Variants in ACSS1 observed in about 807,000 individuals in gnomAD.
ACSS1 encodes the protein acetyl-coenzyme A synthetase 2-like, mitochondrial.
In ACSS1, 42 loss-of-function variants were observed where a neutral mutation model predicts 75.3. The observed-to-expected ratio is 0.56, with a 90% CI of 0.44 to 0.72. ACSS1 has a LOEUF of 0.72. ACSS1 is among the 30% of genes least tolerant of loss of function. ACSS1 has a pLI of 0.00. For missense variants in ACSS1, 782 were observed against 935.7 expected, an observed-to-expected ratio of 0.84 and a Z score of 2.14; for synonymous variants, 380 against 376.8, an observed-to-expected ratio of 1.01 and a Z score of -0.10.
intron 1 of ACSS1, among the ~76,000 whole-genome samples, chr20:25,057,366 G>T (rs2089256761): frequency 6.6e-6 from 1 of 152,218 alleles, no homozygotes; most frequent in Non-Finnish European, 1.5e-5. Context: ...CTCCACCCCG[G>T]TATGGGAACG....
chr20:25,041,134 T>G (rs549920937), intron 2 of ACSS1, among the ~76,000 whole-genome samples: 1 of 151,882 alleles, frequency 6.6e-6, no homozygotes, highest in Non-Finnish European at 1.5e-5. Context: ...GGCAGGTGCC[T>G]GTAGTCCCAG....
chr20:25,014,194 C>T (rs1189226820), intron 8 of ACSS1, 121 bp from the exon 9 acceptor site: 13 of 805,840 alleles, frequency 1.6e-5, no homozygotes, highest in Non-Finnish European at 2.2e-5. Flanking sequence ...AGGGGCACAA[C>T]GATCTTTGAG....
intron 8 of ACSS1, among the ~76,000 whole-genome samples, chr20:25,014,314 G>A (rs1369584828): frequency 3.9e-5 from 6 of 152,214 alleles, no homozygotes; most frequent in South Asian, 2.1e-4. Context: ...AGGCCCCCTC[G>A]CCATGTCAGG....
At chr20:25,029,517 G>C (rs2088785124) in intron 3 of ACSS1, among the ~76,000 whole-genome samples, 1 of 152,142 alleles carries the variant, frequency 6.6e-6, no homozygotes, top group African/African-American at 2.4e-5. Flanking sequence ...CCACTCATAG[G>C]TATATACCCC....
At chr20:25,056,906 T>A (rs2089250111) in intron 1 of ACSS1, among the ~76,000 whole-genome samples, 1 of 152,058 alleles carries the variant, frequency 6.6e-6, no homozygotes, top group African/African-American at 2.4e-5. Context: ...CCACCCTGCG[T>A]GGCCAGCCCT....
chr20:25,056,127 G>A (rs1013878118), intron 1 of ACSS1, among the ~76,000 whole-genome samples: 2 of 152,200 alleles, frequency 1.3e-5, no homozygotes, highest in African/African-American at 2.4e-5. Context: ...CTGACCGAGC[G>A]AGGTTCAGAA....
chr20:25,044,726 G>A (rs1016851334), intron 2 of ACSS1, among the ~76,000 whole-genome samples: 1 of 152,242 alleles, frequency 6.6e-6, no homozygotes, highest in African/African-American at 2.4e-5. Context: ...ACAGCCTTGG[G>A]GCCACTAGGC....
intron 3 of ACSS1, among the ~76,000 whole-genome samples, chr20:25,025,747 CT>C (rs1349161990): frequency 6.6e-6 from 1 of 152,176 alleles, no homozygotes; most frequent in African/African-American, 2.4e-5. Context: ...ACCACCTGCC[CT>C]GGTTCGTGGC....
At chr20:25,008,443 G>A (rs907985265) in intron 13 of ACSS1, among the ~76,000 whole-genome samples, 2 of 152,164 alleles carry the variant, frequency 1.3e-5, no homozygotes, top group Non-Finnish European at 2.9e-5. Context: ...GCTGTGTTTG[G>A]GATCTTTGAC....
chr20:25,024,802 G>T (rs551170616), intron 3 of ACSS1, among the ~76,000 whole-genome samples: 40 of 152,302 alleles, frequency 2.6e-4, no homozygotes, highest in African/African-American at 9.6e-4. Context: ...CCCTGGAGAT[G>T]TCATGGCCAT....
At chr20:25,013,466 A>T in intron 10 of ACSS1, 70 bp downstream of exon 10, 3 of 1,528,526 alleles carry the variant, frequency 2.0e-6, no homozygotes, top group Non-Finnish European at 2.6e-6. Context: ...CCCATTAAAA[A>T]TGTTTTCTGA....
intron 2 of ACSS1, among the ~76,000 whole-genome samples, chr20:25,038,211 G>C (rs1779417472): frequency 6.6e-6 from 1 of 152,172 alleles, no homozygotes; most frequent in Non-Finnish European, 1.5e-5. Flanking sequence ...TCTCTTCCCT[G>C]AGGTTTTGCT....
intron 1 of ACSS1, among the ~76,000 whole-genome samples, chr20:25,054,476 C>T (rs1292733990): frequency 6.6e-6 from 1 of 152,254 alleles, no homozygotes; most frequent in Admixed American, 6.5e-5. Flanking sequence ...CTGATAGATA[C>T]TCCCATGGAT....
chr20:25,015,393 T>G (rs781613239), intron 7 of ACSS1, among the ~76,000 whole-genome samples, 163 bp from the exon 8 acceptor site: 5 of 152,208 alleles, frequency 3.3e-5, no homozygotes, highest in Non-Finnish European at 7.3e-5. Context: ...CCTCCCAGGT[T>G]CAAGCGATTC....
chr20:25,023,401 G>GA, intron 4 of ACSS1, 65 bp downstream of exon 4: 1 of 1,593,734 alleles, frequency 6.3e-7, no homozygotes, highest in Admixed American at 1.7e-5. Flanking sequence ...CACAACCCGA[G>GA]AAGCCTCAGA....
intron 13 of ACSS1, 49 bp from the exon 14 acceptor site, chr20:25,007,990 T>C (rs2122568657): frequency 6.3e-7 from 1 of 1,589,104 alleles, no homozygotes; most frequent in South Asian, 1.1e-5. Context: ...GCCCAGCCTC[T>C]GTGCTAGCGT....
At chr20:25,044,983 G>T (rs1248899069) in intron 2 of ACSS1, among the ~76,000 whole-genome samples, 1 of 152,240 alleles carries the variant, frequency 6.6e-6, no homozygotes, top group African/African-American at 2.4e-5. Flanking sequence ...GCAGGGGAGG[G>T]GGTCCTCCTC....
intron 2 of ACSS1, among the ~76,000 whole-genome samples, chr20:25,031,313 T>A (rs1171166193): frequency 6.6e-6 from 1 of 152,128 alleles, no homozygotes; most frequent in Non-Finnish European, 1.5e-5. Flanking sequence ...TCCTTGCCAG[T>A]CATGACCCAC....
intron 11 of ACSS1, 42 bp from the exon 12 acceptor site, chr20:25,012,706 C>T (rs940234053): frequency 4.0e-5 from 65 of 1,613,858 alleles, no homozygotes; most frequent in East Asian, 8.9e-5. Context: ...GTGGCGGCCC[C>T]GGGTGCTAGA....
Sources: gnomAD v4.1 joint callset for allele counts (sites outside exome capture counted in the v4.1 genomes callset) on GRCh38, gnomAD v4.1.1 for gene constraint, MANE v1.5 for transcripts, NCBI Gene and HGNC (gene_info 2026-07-23, HGNC 2026-07-21) for gene names.